ARHGAP39: variants seen among roughly 807,000 people sequenced by gnomAD.
ARHGAP39 encodes the protein Rho GTPase activating protein 39.
A neutral mutation model predicts 106.9 loss-of-function variants in ARHGAP39; 44 were observed. The ratio of observed to expected loss-of-function variants is 0.41; its 90% CI spans 0.32 to 0.53. ARHGAP39 has a LOEUF of 0.53. ARHGAP39 is among the 20% of genes least tolerant of loss of function. The probability of loss-of-function intolerance (pLI) is 0.21; values close to 1 mark genes in which losing one functional copy is unlikely to be tolerated. For synonymous variants in ARHGAP39, 768 were observed against 693.2 expected, an observed-to-expected ratio of 1.11 and a Z score of -1.69; for missense variants, 1,496 against 1,577.3, an observed-to-expected ratio of 0.95 and a Z score of 0.87.
At chr8:144,546,803 A>T (rs1401218611) in intron 5 of ARHGAP39, among the ~76,000 whole-genome samples, 1 of 152,010 alleles carries the variant, frequency 6.6e-6, no homozygotes, top group Non-Finnish European at 1.5e-5. Flanking sequence ...TCCGGTGGCC[A>T]CCACCCTCCC....
In ARHGAP39 at chr8:144,530,806, G is replaced by C; in HGVS notation, c.3046C>G (p.Gln1016Glu). Residue 1016 changes from glutamine to glutamate, a missense_variant, in exon 11 of 12, where the codon CAG becomes GAG. Gln to Glu is a conservative substitution (Grantham distance 29). This residue lies in a region of ARHGAP39 where 470 missense variants were observed against 605.1 expected (regional missense o/e 0.78). Coordinates refer to ENST00000377307, the MANE Select transcript of ARHGAP39 (RefSeq NM_025251.3). The part of the protein sequence containing the change: ...EPLIPHEFYE[Q>E]CIAHYDSPEA... ...GGGCTGTCGTAGTGCGCGATGCACTGCTCGTAGAACTCGTGCGGGATCAGG... is the reference window on the plus strand; with the variant it reads ...GGGCTGTCGTAGTGCGCGATGCACTCCTCGTAGAACTCGTGCGGGATCAGG... 1 of 1,612,050 alleles carries C rather than the reference G, an allele frequency of 6.2e-7. No homozygotes were observed. The highest frequency in any genetic ancestry group is 2.2e-5 in the East Asian group (1 of 44,878).
intron 1 of ARHGAP39, among the ~76,000 whole-genome samples, chr8:144,653,256 G>A (rs747168550): frequency 2.0e-5 from 3 of 152,144 alleles, no homozygotes; most frequent in African/African-American, 4.8e-5. Context: ...AGCCAAGATC[G>A]TGCCACTGTA....
At chr8:144,609,880 C>T (rs937775048) in intron 1 of ARHGAP39, among the ~76,000 whole-genome samples, 42 of 152,168 alleles carry the variant, frequency 2.8e-4, no homozygotes, top group African/African-American at 8.9e-4. Flanking sequence ...AATTCCTGGG[C>T]GAGTTTATAT....
chr8:144,695,993 G>C, the ARHGAP39 span, among the ~76,000 whole-genome samples: 1 of 152,130 alleles, frequency 6.6e-6, no homozygotes, highest in African/African-American at 2.4e-5. Flanking sequence ...AGTCAATTCA[G>C]GTGGAACCAA....
intron 7 of ARHGAP39, 126 bp from the exon 8 acceptor site, chr8:144,534,328 C>A: frequency 1.0e-6 from 1 of 976,930 alleles, no homozygotes; most frequent in South Asian, 1.4e-5. Context: ...CGGTCACCCC[C>A]TGCCCAGCAC....
chr8:144,602,296 C>T (rs1423073342), intron 2 of ARHGAP39, among the ~76,000 whole-genome samples: 9 of 125,982 alleles, frequency 7.1e-5, no homozygotes, highest in African/African-American at 1.6e-4. Context: ...CGTGTGTGCT[C>T]GTGTACCTGT....
chr8:144,530,958 G>A, intron 10 of ARHGAP39, 87 bp from the exon 11 acceptor site: 1 of 1,464,266 alleles, frequency 6.8e-7, no homozygotes. Context: ...GCATGGAGGG[G>A]TGCTGTGGGG....
Position 144,570,141 on chromosome 8 carries a change from A to T in ARHGAP39, c.512+10705T>A, listed in dbSNP as rs187318002. Among the ~76,000 whole-genome samples, 300 of 152,292 alleles carry T rather than the reference A, an allele frequency of 2.0e-3. 1 individual carries two copies. The highest frequency in any genetic ancestry group is 6.9e-3 in the African/African-American group (286 of 41,552). ...GAGGCTGAGGCAGGAGAATTACTTC[A>T]CCCGGGGAGGCAGAGGTTGCAGTGA... On this transcript the variant is annotated intron_variant, in intron 3 of 11. Transcript: ENST00000377307.
intron 1 of ARHGAP39, among the ~76,000 whole-genome samples, chr8:144,620,928 C>T (rs553817069): frequency 1.3e-5 from 2 of 152,264 alleles, no homozygotes; most frequent in Non-Finnish European, 2.9e-5. Context: ...AACTGGGAAA[C>T]TGAACAGCAA....
At chr8:144,595,205 C>T (rs1253644664) in intron 2 of ARHGAP39, among the ~76,000 whole-genome samples, 1 of 152,170 alleles carries the variant, frequency 6.6e-6, no homozygotes, top group East Asian at 1.9e-4. Flanking sequence ...CGTCCTTCAA[C>T]TGATGCATGA....
intron 1 of ARHGAP39, among the ~76,000 whole-genome samples, chr8:144,612,806 C>G (rs1000890540): frequency 5.9e-5 from 9 of 152,196 alleles, no homozygotes; most frequent in African/African-American, 2.2e-4. Flanking sequence ...TGAGCCACGG[C>G]TGCACCACTG....
At chr8:144,657,368 G>C (rs1211442513) in intron 1 of ARHGAP39, among the ~76,000 whole-genome samples, 1 of 152,220 alleles carries the variant, frequency 6.6e-6, no homozygotes. Flanking sequence ...GCTGAGGCAG[G>C]AGGATAGCTT....
chr8:144,655,065 G>C (rs1821662116), intron 1 of ARHGAP39, among the ~76,000 whole-genome samples: 1 of 152,190 alleles, frequency 6.6e-6, no homozygotes. Flanking sequence ...TCCCACTCCA[G>C]TCTTGGAGCA....
intron 1 of ARHGAP39, among the ~76,000 whole-genome samples, chr8:144,676,651 A>G (rs1359851631): frequency 6.6e-6 from 1 of 152,230 alleles, no homozygotes; most frequent in Non-Finnish European, 1.5e-5. Flanking sequence ...GTGGGACTTC[A>G]CGGCACCTAG....
chr8:144,639,312 C>T (rs555832152), intron 1 of ARHGAP39, among the ~76,000 whole-genome samples: 16 of 128,224 alleles, frequency 1.2e-4, no homozygotes, highest in Admixed American at 4.7e-4. Context: ...GGTGACAGAG[C>T]GAGATGCTGT....
chr8:144,533,527 T>A (rs1180345213), intron 8 of ARHGAP39, among the ~76,000 whole-genome samples: 1 of 152,084 alleles, frequency 6.6e-6, no homozygotes, highest in African/African-American at 2.4e-5. Flanking sequence ...CCCTAACTCC[T>A]CCTGGGCTGC....
At chr8:144,579,112 G>A (rs1340422480) in intron 3 of ARHGAP39, among the ~76,000 whole-genome samples, 2 of 147,926 alleles carry the variant, frequency 1.4e-5, no homozygotes, top group African/African-American at 5.0e-5. Flanking sequence ...TGAGGCAGGA[G>A]AGTGGTGTGA....
chr8:144,660,300 T>G (rs1020755544), intron 1 of ARHGAP39, among the ~76,000 whole-genome samples: 1 of 152,144 alleles, frequency 6.6e-6, no homozygotes, highest in Non-Finnish European at 1.5e-5. Context: ...GGTTAAATAA[T>G]ATAAGATTAT....
chr8:144,640,665 C>A (rs1283607878), intron 1 of ARHGAP39, among the ~76,000 whole-genome samples: 2 of 152,124 alleles, frequency 1.3e-5, no homozygotes, highest in Non-Finnish European at 2.9e-5. Context: ...TTAGCAGAAA[C>A]AACAAAAAAT....
Sources: gnomAD v4.1 joint callset for allele counts (sites outside exome capture counted in the v4.1 genomes callset) on GRCh38, gnomAD v4.1.1 for gene constraint, gnomAD v4.1.1 regional missense constraint, MANE v1.5 for transcripts, NCBI Gene and HGNC (gene_info 2026-07-23, HGNC 2026-07-21) for gene names.